The following TOX2 variants were observed in gnomAD, a reference collection of about 807,000 sequenced individuals.
TOX2 encodes granulosa cell HMG box 1.
In TOX2, 15 loss-of-function variants were observed where a neutral mutation model predicts 47.4. The observed-to-expected ratio is 0.32, with a 90% CI of 0.21 to 0.49. The LOEUF (loss-of-function observed/expected upper bound fraction) is 0.49, where lower values mean the gene tolerates loss of function less well. Among genes scored for constraint, TOX2 ranks in the 20% least tolerant of loss-of-function variants. The pLI, the probability that TOX2 is intolerant of heterozygous loss-of-function variation, is 0.99. For missense variants in TOX2, 622 were observed against 673.1 expected (o/e 0.92, Z 0.84); for synonymous variants, 290 against 296.6 (o/e 0.98, Z 0.23).
At chr20:43,971,108 C>G (rs979211684) in intron 1 of TOX2, among the ~76,000 whole-genome samples, 4 of 152,142 alleles carry the variant, frequency 2.6e-5, no homozygotes, top group Non-Finnish European at 5.9e-5. Context: ...GAAGATAGGC[C>G]TGGTCAGAGG....
chr20:43,988,784 T>A (rs1298348662), intron 2 of TOX2, among the ~76,000 whole-genome samples: 1 of 152,164 alleles, frequency 6.6e-6, no homozygotes, highest in African/African-American at 2.4e-5. Context: ...TATTCACAGG[T>A]GTAGGCACAT....
At chr20:43,919,333 G>A (rs1041665709) in intron 1 of TOX2, among the ~76,000 whole-genome samples, 10 of 152,162 alleles carry the variant, frequency 6.6e-5, no homozygotes, top group Non-Finnish European at 1.5e-4. Context: ...GAAATATATG[G>A]TATCATGATT....
At chr20:44,028,687 G>A (rs1053636201) in intron 3 of TOX2, among the ~76,000 whole-genome samples, 5 of 152,168 alleles carry the variant, frequency 3.3e-5, no homozygotes, top group African/African-American at 9.7e-5. Context: ...GCACTCAGAT[G>A]GGGGAGGAAA....
At chr20:43,950,290 G>T (rs574600651) in intron 1 of TOX2, among the ~76,000 whole-genome samples, 1 of 152,322 alleles carries the variant, frequency 6.6e-6, no homozygotes, top group South Asian at 2.1e-4. Context: ...GATGTCAGCG[G>T]CTCTGAGGCC....
intron 4 of TOX2, 58 bp downstream of exon 4, chr20:44,051,603 C>A (rs972081172): frequency 5.9e-6 from 9 of 1,518,562 alleles, no homozygotes; most frequent in Non-Finnish European, 8.0e-6. Flanking sequence ...GGGAAGGGGT[C>A]CTGTGGGGAA....
At chr20:44,033,968 C>T (rs2071198306) in intron 3 of TOX2, among the ~76,000 whole-genome samples, 1 of 152,206 alleles carries the variant, frequency 6.6e-6, no homozygotes, top group South Asian at 2.1e-4. Context: ...GATCATAGGG[C>T]TTCTTGTCAG....
chr20:43,956,416 T>C (rs913039269), intron 1 of TOX2, among the ~76,000 whole-genome samples: 16 of 151,966 alleles, frequency 1.1e-4, no homozygotes, highest in Non-Finnish European at 1.9e-4. Context: ...CAAAAATTAG[T>C]TGGGCATGGT....
chr20:43,924,072 A>G (rs1231110518), intron 1 of TOX2, among the ~76,000 whole-genome samples: 3 of 152,188 alleles, frequency 2.0e-5, no homozygotes, highest in Non-Finnish European at 2.9e-5. Context: ...ACTGCAGTAG[A>G]GGGCAGTCCC....
chr20:43,918,148 T>C (rs2069078112), intron 1 of TOX2, among the ~76,000 whole-genome samples: 1 of 152,216 alleles, frequency 6.6e-6, no homozygotes, highest in Non-Finnish European at 1.5e-5. Context: ...TATGAACTCC[T>C]GGTTCAGATT....
At chr20:44,015,945 C>T (rs59855573) in intron 3 of TOX2, among the ~76,000 whole-genome samples, 2,434 of 152,186 alleles carry the variant, frequency 0.016, 62 homozygotes, top group African/African-American at 0.056. Context: ...TAAGCTAACA[C>T]GCAGGCTGGT....
chr20:43,923,361 C>G (rs1268641752), intron 1 of TOX2, among the ~76,000 whole-genome samples: 3 of 152,284 alleles, frequency 2.0e-5, no homozygotes, highest in South Asian at 2.1e-4. Context: ...ATTTGATTTC[C>G]CCCAGTAGCC....
chr20:44,029,688 G>A lies in TOX2; in HGVS notation c.412-21618G>A, dbSNP rs549962551. Among the ~76,000 whole-genome samples, 16 of 152,212 alleles carry A rather than the reference G, an allele frequency of 1.1e-4. No individual in the cohort carries two copies. In the South Asian group the frequency reaches 2.5e-3, roughly 24 times the overall value. Reference sequence around the variant, plus strand: ...ATGGGAACACCTGCCCTCCACAATCGCACTTTCTGCTCAGCATCTAAATAG... The same window carrying A: ...ATGGGAACACCTGCCCTCCACAATCACACTTTCTGCTCAGCATCTAAATAG... On this transcript the variant is annotated intron_variant, in intron 3 of 8. Transcript: ENST00000341197.
chr20:44,049,419 T>C (rs1032250850), intron 3 of TOX2, among the ~76,000 whole-genome samples: 10 of 152,264 alleles, frequency 6.6e-5, no homozygotes, highest in Non-Finnish European at 1.5e-4. Flanking sequence ...TTGATAATTT[T>C]TGTTACTGGA....
At chr20:43,935,562 A>G (rs1209325177) in intron 1 of TOX2, among the ~76,000 whole-genome samples, 1 of 152,154 alleles carries the variant, frequency 6.6e-6, no homozygotes, top group Admixed American at 6.5e-5. Flanking sequence ...ATGTATTACT[A>G]TTAACCATGT....
chr20:43,928,536 A>G (rs1015477997), intron 1 of TOX2, among the ~76,000 whole-genome samples: 16 of 152,224 alleles, frequency 1.1e-4, no homozygotes, highest in African/African-American at 3.9e-4. Context: ...AGCGAAGCAC[A>G]TCATTGTGTT....
At chr20:43,970,784 C>T (rs1403598547) in intron 1 of TOX2, among the ~76,000 whole-genome samples, 2 of 152,202 alleles carry the variant, frequency 1.3e-5, no homozygotes, top group African/African-American at 4.8e-5. Context: ...GATGACCAGA[C>T]ACAGTTCCAG....
intron 2 of TOX2, among the ~76,000 whole-genome samples, chr20:43,980,119 A>AACCT (rs1367600385): frequency 1.3e-5 from 2 of 152,254 alleles, no homozygotes; most frequent in African/African-American, 2.4e-5. Context: ...ACTTGGAAGA[A>AACCT]ACCTAAGTGT....
At chr20:43,944,814 G>A (rs2069444171) in intron 1 of TOX2, among the ~76,000 whole-genome samples, 1 of 152,162 alleles carries the variant, frequency 6.6e-6, no homozygotes, top group Admixed American at 6.5e-5. Context: ...ACACTTAATA[G>A]GTACTATTAT....
chr20:44,026,228 G>GATATACATATATATAT, intron 3 of TOX2, among the ~76,000 whole-genome samples: 1 of 60,258 alleles, frequency 1.7e-5, no homozygotes, highest in South Asian at 5.0e-4. Flanking sequence ...AAGAAACTGT[G>GATATACATATATATAT]ATATATATAT....
Sources: allele counts gnomAD v4.1 joint callset (sites outside exome capture counted in the v4.1 genomes callset), GRCh38; gene constraint gnomAD v4.1.1; transcripts MANE v1.5; gene names NCBI Gene and HGNC (gene_info 2026-07-23, HGNC 2026-07-21).